SEL1L3: variants seen among roughly 807,000 people sequenced by gnomAD.
The protein encoded by SEL1L3 is protein sel-1 homolog 3.
Under a neutral mutation model 142.8 loss-of-function variants are expected in SEL1L3, and 76 were observed. The ratio of observed to expected loss-of-function variants is 0.53; its 90% CI spans 0.44 to 0.64. The LOEUF (loss-of-function observed/expected upper bound fraction) is 0.64, where lower values mean the gene tolerates loss of function less well. Among genes scored for constraint, SEL1L3 ranks in the 30% least tolerant of loss-of-function variants. The pLI is 0.00. For missense variants in SEL1L3, 1,262 were observed against 1,381.7 expected, an observed-to-expected ratio of 0.91 and a Z score of 1.37; for synonymous variants, 504 against 519.6, an observed-to-expected ratio of 0.97 and a Z score of 0.41.
the SEL1L3 span, among the ~76,000 whole-genome samples, chr4:25,736,007 T>A: frequency 6.6e-6 from 1 of 151,646 alleles, no homozygotes; most frequent in East Asian, 2.0e-4. Context: ...TATTGTGTAT[T>A]TTTAGTAGAG....
intron 9 of SEL1L3, among the ~76,000 whole-genome samples, chr4:25,805,732 C>T (rs986708696): frequency 2.0e-5 from 3 of 152,152 alleles, no homozygotes; most frequent in Non-Finnish European, 4.4e-5. Flanking sequence ...ATTCAGCCAA[C>T]GAATGTTTAC....
chr4:25,818,209 G>A lies in SEL1L3; in HGVS notation c.1493C>T (p.Pro498Leu). Reference protein sequence around the residue: ...YGRPSMCRAFPWEKELKDKHP... With the variant: ...YGRPSMCRAFLWEKELKDKHP... ...TTTGTCTTTCAGCTCCTTCTCCCAGGGGAAGGCTCTGCACATCGAGGGTCT... is the reference window on the plus strand; with the variant it reads ...TTTGTCTTTCAGCTCCTTCTCCCAGAGGAAGGCTCTGCACATCGAGGGTCT... The change falls in exon 9 of 24, where the codon CCC becomes CTC. Residue 498 changes from proline to leucine, a missense_variant. This residue lies in a region of SEL1L3 where 689 missense variants were observed against 692.8 expected (regional missense o/e 0.99). Coordinates refer to ENST00000399878, the MANE Select transcript of SEL1L3 (RefSeq NM_015187.5). 6.2e-7 allele frequency: 1 copy of A among 1,606,490 alleles called. No individual in the cohort carries two copies.
chr4:25,825,702 G>A lies in SEL1L3; in HGVS notation c.1158-3574C>T, dbSNP rs1433341001. Among the ~76,000 whole-genome samples the A allele has an allele frequency of 2.6e-5, 3 of 116,534 alleles. No individual in the cohort carries two copies. The Admixed American group carries it at 3.4e-4, about 13-fold the overall frequency. 76.5% of individuals were successfully genotyped at this position (116,534 alleles called of 152,430 possible). ...TTTTTTTTTTTTTTTTGGAGACAGA[G>A]TCTTGCTCTGTTGCCAGGCTGGAGT... On this transcript the variant is annotated intron_variant, in intron 6 of 23. Transcript: ENST00000399878.
At position 25,839,582 on chromosome 4, in the gene SEL1L3, C is replaced by A. The variant is rs1716043300; in HGVS notation, c.734-4259G>T. Among the ~76,000 whole-genome samples the A allele has an allele frequency of 4.6e-5, 7 of 152,104 alleles. No individual in the cohort carries two copies. The South Asian group carries it at 1.5e-3, about 32-fold the overall frequency. On this transcript the variant is annotated intron_variant, in intron 2 of 23. Transcript: ENST00000399878. ...ATGAGCGCAGGTCTGTTTCTAGAAT[C>A]CTCTCATTTGTGCAGGAAGAAAACG...
At chr4:25,773,977 A>C (rs1719420150) in intron 17 of SEL1L3, among the ~76,000 whole-genome samples, 2 of 152,108 alleles carry the variant, frequency 1.3e-5, no homozygotes, top group Non-Finnish European at 2.9e-5. Context: ...ACCCCCAGTG[A>C]TCTTTACATA....
chr4:25,747,079 C>T (rs535877582), downstream of SEL1L3, among the ~76,000 whole-genome samples: 1 of 151,946 alleles, frequency 6.6e-6, no homozygotes, highest in Non-Finnish European at 1.5e-5. Context: ...GGCTTTTTTG[C>T]AAATAGGAGG....
Position 25,782,404 on chromosome 4 carries a change from T to C in SEL1L3, c.2295A>G (p.Ala765=). ...KKAASKGLHQ[A]VNGLGWYYHK... is the part of the protein sequence containing the mutation. ...GGTAATACCATCCCAGGCCATTGACTGCCTGATGCAATCCCTGAATTTTGG... is the reference window on the plus strand; with the variant it reads ...GGTAATACCATCCCAGGCCATTGACCGCCTGATGCAATCCCTGAATTTTGG... The change falls in exon 15 of 24, where the codon GCA becomes GCG. Residue 765 remains alanine, a synonymous_variant. Transcript: ENST00000399878. 1 of 1,612,732 alleles carries C rather than the reference T, an allele frequency of 6.2e-7. No homozygotes were observed. The highest frequency in any genetic ancestry group is 8.5e-7 in the Non-Finnish European group (1 of 1,179,408).
At position 25,782,296 on chromosome 4, in the gene SEL1L3, A is replaced by G; in HGVS notation, c.2403T>C (p.Asn801=). ...TGCCATCCAAATGCAGGACTCCAAG[A>G]TTGTATGACGCATCTGGGTTCCCCA... ...EEMGNPDASY[N]LGVLHLDGIF... is the part of the protein sequence containing the mutation. The change falls in exon 15 of 24, where the codon AAT becomes AAC. Residue 801 remains asparagine (N), a synonymous_variant. Transcript: ENST00000399878. The G allele has an allele frequency of 6.2e-7, 1 of 1,613,874 alleles. No individual in the cohort carries two copies. The highest frequency in any genetic ancestry group is 8.5e-7 in the Non-Finnish European group (1 of 1,179,804).
At chr4:25,816,086 CTTATATA>C (rs975563067) in intron 9 of SEL1L3, among the ~76,000 whole-genome samples, 4 of 146,084 alleles carry the variant, frequency 2.7e-5, no homozygotes, top group African/African-American at 5.0e-5. Flanking sequence ...ATATTATATA[CTTATATA>C]TTATATATTT....
intron 11 of SEL1L3, among the ~76,000 whole-genome samples, chr4:25,792,267 T>A (rs776599108): frequency 3.9e-5 from 6 of 152,238 alleles, no homozygotes; most frequent in Non-Finnish European, 8.8e-5. Flanking sequence ...GTCCCCAGTT[T>A]ACAGGCCAAG....
At chr4:25,845,796 G>A (rs917144596) in intron 2 of SEL1L3, among the ~76,000 whole-genome samples, 1 of 152,186 alleles carries the variant, frequency 6.6e-6, no homozygotes, top group Non-Finnish European at 1.5e-5. Flanking sequence ...CTGTGGAAGG[G>A]TCTGTTGCCA....
At chr4:25,784,660 T>C (rs1420109768) in intron 13 of SEL1L3, among the ~76,000 whole-genome samples, 1 of 152,228 alleles carries the variant, frequency 6.6e-6, no homozygotes, top group African/African-American at 2.4e-5. Context: ...GCACTTTATC[T>C]GTGTTGGACA....
chr4:25,809,625 C>A (rs929707197), intron 9 of SEL1L3, among the ~76,000 whole-genome samples: 4 of 152,074 alleles, frequency 2.6e-5, no homozygotes, highest in African/African-American at 9.7e-5. Flanking sequence ...TTTCTCCCTG[C>A]CTTCTTCTTT....
intron 11 of SEL1L3, among the ~76,000 whole-genome samples, chr4:25,796,845 A>G (rs1712795000): frequency 6.7e-6 from 1 of 149,904 alleles, no homozygotes; most frequent in South Asian, 2.1e-4. Context: ...TTTCCTTTCT[A>G]AGTCCAACAG....
At chr4:25,806,147 C>T (rs1172153434) in intron 9 of SEL1L3, among the ~76,000 whole-genome samples, 31 of 151,122 alleles carry the variant, frequency 2.1e-4, no homozygotes, top group Non-Finnish European at 4.0e-4. Flanking sequence ...CACGCCATTC[C>T]CCTTCCTCAG....
In SEL1L3 at chr4:25,830,144, T is replaced by C; in HGVS notation, c.1111A>G (p.Thr371Ala). The C allele has an allele frequency of 6.2e-7, 1 of 1,606,610 alleles. No individual in the cohort carries two copies. The highest frequency in any genetic ancestry group is 8.5e-7 in the Non-Finnish European group (1 of 1,173,370). The part of the protein sequence containing the change: ...SFNGGQIVVT[T>A]SIGQDLKSYH... Reference sequence around the variant, plus strand: ...CTTTTCAAATCCTGTCCAATGCTAGTGGTTACTACTATCTATGATGGGAGG... The same window carrying C: ...CTTTTCAAATCCTGTCCAATGCTAGCGGTTACTACTATCTATGATGGGAGG... Residue 371 changes from threonine to alanine, a missense_variant, in exon 6 of 24, where the codon ACT (threonine) becomes GCT (alanine). Around this residue, in one of 3 missense-constraint regions of SEL1L3, gnomAD observed 689 missense variants for 692.8 expected, o/e 0.99. Coordinates refer to ENST00000399878, the MANE Select transcript of SEL1L3 (RefSeq NM_015187.5).
intron 11 of SEL1L3, among the ~76,000 whole-genome samples, chr4:25,794,651 T>A (rs994753802): frequency 2.0e-5 from 3 of 152,194 alleles, no homozygotes; most frequent in Non-Finnish European, 2.9e-5. Context: ...TGGAAGACAG[T>A]GTGACGATTC....
At chr4:25,776,629 A>G (rs1719649670) in intron 16 of SEL1L3, 3 of 364,856 alleles carry the variant, frequency 8.2e-6, no homozygotes, top group Admixed American at 8.5e-5. Flanking sequence ...ACCAATATGA[A>G]AAAATATAAT....
rs115535581 is a variant in SEL1L3 at position 25,756,790 on chromosome 4, T to C, written c.3259+744A>G. The stretch of plus-strand genomic sequence containing the variant: ...GAGTCCGTGTGGCCGAGGATTTTTA[T>C]TCATTACGAGTGTTTGTTTATCCTC... On this transcript the variant is annotated intron_variant, in intron 23 of 23. Transcript: ENST00000399878. 3.7e-3 allele frequency: 4,446 copies of C among 1,191,724 alleles called. 16 individuals carry two copies. Among genetic ancestry groups the C allele is most frequent in the Non-Finnish European group, 4.0e-3 (3,717 of 935,018 alleles). The allele number at this position is 1,191,724 out of a possible 1,614,324, so 73.8% of individuals were successfully genotyped here.
Sources: gnomAD v4.1 joint callset for allele counts (sites outside exome capture counted in the v4.1 genomes callset) on GRCh38, gnomAD v4.1.1 for gene constraint, gnomAD v4.1.1 regional missense constraint, MANE v1.5 for transcripts, NCBI Gene and HGNC (gene_info 2026-07-23, HGNC 2026-07-21) for gene names.